The following RBFOX1 variants were observed in gnomAD, a reference collection of about 807,000 sequenced individuals.
The protein encoded by RBFOX1 is RNA binding protein fox-1 homolog 1.
Under a neutral mutation model 57.7 loss-of-function variants are expected in RBFOX1, and 8 were observed. That is an observed-to-expected ratio of 0.14 (90% CI 0.08 to 0.25). The LOEUF is 0.25. Among genes scored for constraint, RBFOX1 ranks in the 10% least tolerant of loss-of-function variants. The pLI, the probability that RBFOX1 is intolerant of heterozygous loss-of-function variation, is 1.00. For synonymous variants in RBFOX1, 326 were observed against 222.4 expected (o/e 1.47, Z -4.15); for missense variants, 611 against 548.5 (o/e 1.11, Z -1.14).
intron 4 of RBFOX1, among the ~76,000 whole-genome samples, chr16:5,934,807 G>A (rs1311134890): frequency 1.3e-5 from 2 of 152,330 alleles, no homozygotes; most frequent in African/African-American, 4.8e-5. Context: ...AACATACTCA[G>A]ACACTGATAT....
chr16:6,240,331 G>T (rs753626339), intron 1 of RBFOX1, among the ~76,000 whole-genome samples: 2 of 152,122 alleles, frequency 1.3e-5, no homozygotes, highest in African/African-American at 2.4e-5. Flanking sequence ...TGTCTCCAAG[G>T]TTATTGAGGT....
chr16:7,011,235 A>C (rs1318055476), intron 3 of RBFOX1, among the ~76,000 whole-genome samples: 1 of 152,132 alleles, frequency 6.6e-6, no homozygotes, highest in Non-Finnish European at 1.5e-5. Flanking sequence ...GGCTGGTTCT[A>C]AGGGCTTTTG....
intron 3 of RBFOX1, among the ~76,000 whole-genome samples, chr16:6,920,711 T>C (rs2074273290): frequency 6.6e-6 from 1 of 152,200 alleles, no homozygotes; most frequent in African/African-American, 2.4e-5. Flanking sequence ...CCCCTTGGCT[T>C]GTGGCTGCAT....
chr16:5,626,415 T>G (rs1263425600), intron 3 of RBFOX1, among the ~76,000 whole-genome samples: 3 of 152,184 alleles, frequency 2.0e-5, no homozygotes, highest in African/African-American at 7.2e-5. Context: ...GGACTGGGAC[T>G]CACTCTAATA....
chr16:7,179,733 AT>A (rs143277998), intron 4 of RBFOX1, among the ~76,000 whole-genome samples: 8,632 of 150,924 alleles, frequency 0.057, 340 homozygotes, highest in Non-Finnish European at 0.085. Context: ...ATCTTCCCAG[AT>A]TTTTTTTTCT....
intron 2 of RBFOX1, among the ~76,000 whole-genome samples, chr16:6,563,496 A>C (rs1039560455): frequency 2.0e-5 from 3 of 152,134 alleles, no homozygotes; most frequent in African/African-American, 7.2e-5. Context: ...AGTCCCTTAC[A>C]TCTACTCTAC....
chr16:6,449,554 G>A (rs888347841), intron 2 of RBFOX1, among the ~76,000 whole-genome samples: 3 of 152,172 alleles, frequency 2.0e-5, no homozygotes, highest in Non-Finnish European at 2.9e-5. Context: ...TGAATCGGAG[G>A]ATTTATTCCC....
intron 4 of RBFOX1, chr16:7,510,029 G>C (rs958149141): frequency 1.0e-4 from 41 of 411,146 alleles, no homozygotes; most frequent in Admixed American, 6.5e-4. Flanking sequence ...CTGTGAAACT[G>C]AGAGTAGGAG....
chr16:6,997,630 A>G (rs1316765252), intron 3 of RBFOX1, among the ~76,000 whole-genome samples: 1 of 152,182 alleles, frequency 6.6e-6, no homozygotes, highest in African/African-American at 2.4e-5. Context: ...TTATTGCTTA[A>G]TTTTTAAAGG....
intron 3 of RBFOX1, among the ~76,000 whole-genome samples, chr16:6,857,622 C>A (rs764200893): frequency 6.6e-6 from 1 of 152,156 alleles, no homozygotes; most frequent in Non-Finnish European, 1.5e-5. Flanking sequence ...GTTTTATTTT[C>A]AGTGTTAAAC....
chr16:6,827,032 AAGC>A (rs1567435223), intron 3 of RBFOX1, among the ~76,000 whole-genome samples: 3 of 152,144 alleles, frequency 2.0e-5, no homozygotes. Flanking sequence ...TCTGGGGAGA[AAGC>A]AGTTTGGGGG....
chr16:5,290,813 C>G (rs1022908346), intron 1 of RBFOX1, among the ~76,000 whole-genome samples: 6 of 151,998 alleles, frequency 3.9e-5, no homozygotes, highest in Admixed American at 2.0e-4. Context: ...ATTTTCCTGC[C>G]TCAGTCTCCC....
chr16:7,395,943 A>G (rs2098132320), intron 4 of RBFOX1, among the ~76,000 whole-genome samples: 1 of 152,200 alleles, frequency 6.6e-6, no homozygotes, highest in Non-Finnish European at 1.5e-5. Flanking sequence ...CGCAAAATAC[A>G]CACCTAAATT....
At chr16:6,699,613 G>T (rs918966995) in intron 3 of RBFOX1, among the ~76,000 whole-genome samples, 2 of 152,174 alleles carry the variant, frequency 1.3e-5, no homozygotes, top group African/African-American at 4.8e-5. Context: ...TGTACGACGG[G>T]AAGAGTGTTT....
At chr16:6,483,492 A>G (rs1348324325) in intron 2 of RBFOX1, 1 of 1,535,712 alleles carries the variant, frequency 6.5e-7, no homozygotes, top group South Asian at 1.2e-5. Flanking sequence ...GGCACTTTGC[A>G]GCCGACAATG....
chr16:7,175,578 C>A (rs1407560655), intron 4 of RBFOX1, among the ~76,000 whole-genome samples: 1 of 152,062 alleles, frequency 6.6e-6, no homozygotes, highest in Non-Finnish European at 1.5e-5. Flanking sequence ...GGCAAAGGAT[C>A]CCATTTGTGC....
chr16:7,029,652 G>A (rs1055780896), intron 3 of RBFOX1, among the ~76,000 whole-genome samples: 37 of 152,070 alleles, frequency 2.4e-4, no homozygotes, highest in Non-Finnish European at 1.2e-4. Flanking sequence ...TTGAAATGCG[G>A]AAATAGGATA....
intron 4 of RBFOX1, among the ~76,000 whole-genome samples, chr16:7,476,222 C>G (rs1242270453): frequency 6.6e-6 from 1 of 152,188 alleles, no homozygotes; most frequent in South Asian, 2.1e-4. Context: ...ATCCTCCCAC[C>G]TAGGCCTCCC....
At chr16:7,226,095 C>T (rs2093098020) in intron 4 of RBFOX1, among the ~76,000 whole-genome samples, 1 of 151,970 alleles carries the variant, frequency 6.6e-6, no homozygotes, top group Non-Finnish European at 1.5e-5. Flanking sequence ...ACCCTCAACT[C>T]AGGACTGAGA....
Sources: allele counts gnomAD v4.1 joint callset (sites outside exome capture counted in the v4.1 genomes callset), GRCh38; gene constraint gnomAD v4.1.1; transcripts MANE v1.5; gene names NCBI Gene and HGNC (gene_info 2026-07-23, HGNC 2026-07-21).